TAS2R1: variants seen among roughly 807,000 people sequenced by gnomAD.
The protein encoded by TAS2R1 is taste 2 receptor member 1.
For synonymous variants in TAS2R1, 141 were observed against 134.2 expected (o/e 1.05, Z -0.35); for missense variants, 370 against 353.4 (o/e 1.05, Z -0.38).
the TAS2R1 span, among the ~76,000 whole-genome samples, chr5:9,719,632 A>C: frequency 5.9e-5 from 9 of 152,292 alleles, no homozygotes; most frequent in Non-Finnish European, 4.4e-5. Context: ...CTGCTGCTTA[A>C]AAAGCTACAC....
the TAS2R1 span, among the ~76,000 whole-genome samples, chr5:9,801,770 T>G: frequency 6.6e-6 from 1 of 152,124 alleles, no homozygotes; most frequent in Non-Finnish European, 1.5e-5. Context: ...TTTCCCACAC[T>G]TTCCTGGCAA....
chr5:9,763,503 C>CAA, the TAS2R1 span, among the ~76,000 whole-genome samples: 9 of 144,266 alleles, frequency 6.2e-5, no homozygotes, highest in South Asian at 1.1e-3. Flanking sequence ...GACTCCATCT[C>CAA]AAAAAAAAAA....
the TAS2R1 span, among the ~76,000 whole-genome samples, chr5:9,786,645 T>A: frequency 1.3e-5 from 2 of 152,200 alleles, no homozygotes; most frequent in Non-Finnish European, 2.9e-5. Context: ...CGAGATTCCA[T>A]AAACTCTTCA....
At chr5:9,794,143 A>T in the TAS2R1 span, among the ~76,000 whole-genome samples, 1 of 152,186 alleles carries the variant, frequency 6.6e-6, no homozygotes, top group Non-Finnish European at 1.5e-5. Context: ...CATTTGAAAC[A>T]TCTCTGTTAT....
At chr5:9,816,630 G>C in the TAS2R1 span, among the ~76,000 whole-genome samples, 1 of 152,048 alleles carries the variant, frequency 6.6e-6, no homozygotes, top group Non-Finnish European at 1.5e-5. Context: ...TCAGGGAGAA[G>C]TATTTCATTA....
At chr5:9,860,945 T>C in the TAS2R1 span, among the ~76,000 whole-genome samples, 1 of 150,990 alleles carries the variant, frequency 6.6e-6, no homozygotes, top group African/African-American at 2.4e-5. Flanking sequence ...CCTTTACCTA[T>C]TGGTCACCTG....
intron 1 of TAS2R1, among the ~76,000 whole-genome samples, chr5:9,669,513 T>C (rs2126501585): frequency 6.6e-6 from 1 of 152,020 alleles, no homozygotes; most frequent in Non-Finnish European, 1.5e-5. Context: ...ACAATGGCCA[T>C]AAACTGTCCT....
chr5:9,757,427 T>C, the TAS2R1 span, among the ~76,000 whole-genome samples: 2 of 152,100 alleles, frequency 1.3e-5, no homozygotes, highest in Admixed American at 1.3e-4. Context: ...AAATAGAGGG[T>C]ATATGATTGA....
At chr5:9,863,472 T>C in the TAS2R1 span, among the ~76,000 whole-genome samples, 1 of 152,150 alleles carries the variant, frequency 6.6e-6, no homozygotes, top group South Asian at 2.1e-4. Context: ...TTCACTGTGT[T>C]AGCCAGGATG....
At chr5:9,793,487 G>C in the TAS2R1 span, among the ~76,000 whole-genome samples, 1 of 152,194 alleles carries the variant, frequency 6.6e-6, no homozygotes. Flanking sequence ...GACAGATGGA[G>C]AAGGACAGTA....
chr5:9,855,548 G>GT, the TAS2R1 span, among the ~76,000 whole-genome samples: 1 of 152,164 alleles, frequency 6.6e-6, no homozygotes, highest in Non-Finnish European at 1.5e-5. Flanking sequence ...AAAGAACAGC[G>GT]TATCAGTCAC....
chr5:9,637,631 CT>C, intron 2 of TAS2R1, among the ~76,000 whole-genome samples: 1 of 152,016 alleles, frequency 6.6e-6, no homozygotes, highest in African/African-American at 2.4e-5. Flanking sequence ...TTTTAAAATT[CT>C]TTTTTCTTTG....
At chr5:9,837,926 G>A in the TAS2R1 span, among the ~76,000 whole-genome samples, 12 of 152,258 alleles carry the variant, frequency 7.9e-5, no homozygotes, top group South Asian at 2.1e-4. Context: ...CTGTCTGCTC[G>A]CCATTGAGTA....
chr5:9,831,217 C>T, the TAS2R1 span, among the ~76,000 whole-genome samples: 1 of 151,772 alleles, frequency 6.6e-6, no homozygotes, highest in African/African-American at 2.4e-5. Flanking sequence ...AATTTGAGAA[C>T]GTTATCAACA....
At chr5:9,781,075 G>A in the TAS2R1 span, among the ~76,000 whole-genome samples, 1 of 152,128 alleles carries the variant, frequency 6.6e-6, no homozygotes, top group Admixed American at 6.5e-5. Context: ...CTATAGCCTA[G>A]CCAAGTTGAC....
the TAS2R1 span, among the ~76,000 whole-genome samples, chr5:9,838,326 C>T: frequency 6.6e-6 from 1 of 152,086 alleles, no homozygotes; most frequent in Admixed American, 6.5e-5. Flanking sequence ...TGGTTTTTTT[C>T]CCAGAAGCCG....
At chr5:9,636,751 G>A (rs1468043320) in intron 2 of TAS2R1, among the ~76,000 whole-genome samples, 1 of 151,946 alleles carries the variant, frequency 6.6e-6, no homozygotes, top group Non-Finnish European at 1.5e-5. Context: ...AGCTACTCCT[G>A]CTTGCTTTTG....
the TAS2R1 span, among the ~76,000 whole-genome samples, chr5:9,895,706 C>T: frequency 1.3e-5 from 2 of 152,220 alleles, no homozygotes; most frequent in Admixed American, 6.5e-5. Flanking sequence ...TGCCCCAGCC[C>T]ACCAATCTTA....
rs188258649 is a variant in TAS2R1 at position 9,711,721 on chromosome 5, G to A, written c.-242+451C>T. ...CTCACTCTGTGGCCCAGGCTGGAGC[G>A]CAGTGGTGCAATCTCGCTGCAAACT... On this transcript the variant is annotated intron_variant, in intron 1 of 2. Transcript: ENST00000506620. Among the ~76,000 whole-genome samples the A allele has an allele frequency of 2.6e-3, 391 of 152,214 alleles. 1 individual carries two copies. The highest frequency in any genetic ancestry group is 8.2e-3 in the African/African-American group (340 of 41,534).
Sources: gnomAD v4.1 joint callset for allele counts (sites outside exome capture counted in the v4.1 genomes callset) on GRCh38, gnomAD v4.1.1 for gene constraint, MANE v1.5 for transcripts, NCBI Gene and HGNC (gene_info 2026-07-23, HGNC 2026-07-21) for gene names.